Variants in MAML2 observed in about 807,000 individuals in gnomAD.
MAML2 encodes the protein mastermind like transcriptional coactivator 2, also known as mastermind-like protein 2.
MAML2 carries 22 observed loss-of-function variants against 96.1 expected under a neutral mutation model. That is an observed-to-expected ratio of 0.23 (90% confidence interval 0.16 to 0.33). MAML2 has a LOEUF of 0.33. MAML2 is among the 10% of genes least tolerant of loss of function. MAML2 has a pLI of 1.00. For missense variants in MAML2, 1,367 were observed against 1,392.4 expected (o/e 0.98, Z 0.29); for synonymous variants, 561 against 521.3 (o/e 1.08, Z -1.04).
At chr11:96,088,226 A>C (rs1197882752) in intron 2 of MAML2, among the ~76,000 whole-genome samples, 1 of 152,184 alleles carries the variant, frequency 6.6e-6, no homozygotes, top group South Asian at 2.1e-4. Context: ...GTACAAATTT[A>C]TGTTTCAGTC....
chr11:96,009,988 G>T (rs1858242210), intron 2 of MAML2, among the ~76,000 whole-genome samples: 1 of 152,144 alleles, frequency 6.6e-6, no homozygotes, highest in African/African-American at 2.4e-5. Flanking sequence ...TCCTTAGAGG[G>T]TTGCAGTTCT....
At chr11:96,163,645 A>G (rs1289010927) in intron 1 of MAML2, among the ~76,000 whole-genome samples, 1 of 152,158 alleles carries the variant, frequency 6.6e-6, no homozygotes, top group Non-Finnish European at 1.5e-5. Flanking sequence ...ACATCTATCT[A>G]GTCTCTCTCT....
chr11:96,206,806 T>A (rs140757320), intron 1 of MAML2, among the ~76,000 whole-genome samples: 2,045 of 152,302 alleles, frequency 0.013, 52 homozygotes, highest in African/African-American at 0.047. Context: ...CAACTCCATA[T>A]TATTATTTAT....
intron 3 of MAML2, among the ~76,000 whole-genome samples, chr11:95,990,297 T>C (rs990838865): frequency 6.6e-6 from 1 of 152,138 alleles, no homozygotes; most frequent in African/African-American, 2.4e-5. Context: ...TTAATGTAAA[T>C]TCTGGCCTCT....
intron 3 of MAML2, among the ~76,000 whole-genome samples, chr11:95,990,778 C>G (rs1857896606): frequency 6.6e-6 from 1 of 152,106 alleles, no homozygotes; most frequent in African/African-American, 2.4e-5. Flanking sequence ...TACTTTAGCT[C>G]TAATTCACCT....
At chr11:96,002,869 G>A (rs1858111297) in intron 2 of MAML2, among the ~76,000 whole-genome samples, 1 of 131,518 alleles carries the variant, frequency 7.6e-6, no homozygotes. Flanking sequence ...ATGATGAAAT[G>A]ATGATGGGGA....
chr11:96,298,654 T>A (rs540917447), intron 1 of MAML2, among the ~76,000 whole-genome samples: 1 of 151,672 alleles, frequency 6.6e-6, no homozygotes, highest in East Asian at 1.9e-4. Flanking sequence ...ACCTACACTA[T>A]ATACACAATA....
chr11:96,183,206 G>A (rs372966766), intron 1 of MAML2, among the ~76,000 whole-genome samples: 5 of 152,042 alleles, frequency 3.3e-5, no homozygotes, highest in African/African-American at 1.2e-4. Context: ...TGATCCACCC[G>A]CCTCGGCCTC....
chr11:96,316,235 G>T (rs1863631944), intron 1 of MAML2, among the ~76,000 whole-genome samples: 3 of 152,172 alleles, frequency 2.0e-5, no homozygotes. Context: ...CATTCAAGAA[G>T]CAACCAGTAT....
chr11:96,257,865 T>C (rs780082175), intron 1 of MAML2, among the ~76,000 whole-genome samples: 5 of 152,176 alleles, frequency 3.3e-5, no homozygotes, highest in Non-Finnish European at 7.4e-5. Context: ...GCAAAGGGGA[T>C]GGTGAGGACT....
At chr11:95,983,420 G>A (rs1300160593) in intron 4 of MAML2, among the ~76,000 whole-genome samples, 1 of 152,176 alleles carries the variant, frequency 6.6e-6, no homozygotes, top group Non-Finnish European at 1.5e-5. Flanking sequence ...GGGAGAAAAA[G>A]CTAGACAGAA....
intron 2 of MAML2, among the ~76,000 whole-genome samples, chr11:96,007,603 G>A (rs1372527221): frequency 6.6e-6 from 1 of 151,908 alleles, no homozygotes; most frequent in Admixed American, 6.6e-5. Flanking sequence ...ATTCAATTAT[G>A]CACTCCTATT....
chr11:96,084,101 A>G (rs988964231), intron 2 of MAML2, among the ~76,000 whole-genome samples: 3 of 152,170 alleles, frequency 2.0e-5, no homozygotes, highest in African/African-American at 4.8e-5. Flanking sequence ...GAGGACATTT[A>G]TTATGAAGGT....
chr11:96,058,807 C>T, intron 2 of MAML2, among the ~76,000 whole-genome samples: 1 of 152,220 alleles, frequency 6.6e-6, no homozygotes. Context: ...CTGCCAAGTC[C>T]TATGCCAAGC....
At chr11:96,086,513 A>T (rs1859617281) in intron 2 of MAML2, among the ~76,000 whole-genome samples, 1 of 152,172 alleles carries the variant, frequency 6.6e-6, no homozygotes, top group African/African-American at 2.4e-5. Flanking sequence ...GAAGCCCAGC[A>T]GCAAATCAGC....
At position 95,985,513 on chromosome 11, in the gene MAML2, AT is replaced by A; in HGVS notation, c.2455+17del. On this transcript the variant is annotated intron_variant, in intron 4 of 4. Coordinates refer to ENST00000524717, the MANE Select transcript of MAML2 (RefSeq NM_032427.4). ...CCTTTCACAGCTATAATTTTTATTA[AT>A]TTTTAAGAACACTTACCAGAATACT... 1.4e-6 allele frequency: 2 copies of A among 1,470,754 alleles called. No homozygotes were observed. The highest frequency in any genetic ancestry group is 2.0e-5 in the Admixed American group (1 of 50,902). 91.1% of individuals were successfully genotyped at this position (1,470,754 alleles called of 1,614,324 possible).
At chr11:96,024,824 C>A (rs115847191) in intron 2 of MAML2, among the ~76,000 whole-genome samples, 73 of 152,318 alleles carry the variant, frequency 4.8e-4, no homozygotes, top group African/African-American at 1.7e-3. Flanking sequence ...TCCTTCTGCT[C>A]ACCTCTTACT....
intron 1 of MAML2, among the ~76,000 whole-genome samples, chr11:96,287,241 T>C (rs1390600280): frequency 1.3e-5 from 2 of 152,340 alleles, no homozygotes; most frequent in East Asian, 3.9e-4. Context: ...ATTTGATTAA[T>C]AACGTCTGCT....
intron 1 of MAML2, among the ~76,000 whole-genome samples, chr11:96,129,424 C>T (rs1030887509): frequency 1.3e-5 from 2 of 152,122 alleles, no homozygotes; most frequent in Non-Finnish European, 2.9e-5. Flanking sequence ...GCTGATGCTG[C>T]TCATCCAGGA....
Sources: gnomAD v4.1 joint callset for allele counts (sites outside exome capture counted in the v4.1 genomes callset) on GRCh38, gnomAD v4.1.1 for gene constraint, MANE v1.5 for transcripts, NCBI Gene and HGNC (gene_info 2026-07-23, HGNC 2026-07-21) for gene names.